The following DNTTIP1 variants were observed in gnomAD, a reference collection of about 807,000 sequenced individuals.
The protein encoded by DNTTIP1 is deoxynucleotidyltransferase terminal interacting protein 1.
DNTTIP1 carries 22 observed loss-of-function variants against 52.9 expected under a neutral mutation model. That is an observed-to-expected ratio of 0.42 (90% CI 0.30 to 0.59). DNTTIP1 has a LOEUF of 0.59. DNTTIP1 is among the 20% of genes least tolerant of loss of function. The pLI, the probability that DNTTIP1 is intolerant of heterozygous loss-of-function variation, is 0.22. For missense variants in DNTTIP1, 286 were observed against 435.5 expected (o/e 0.66, Z 3.06); for synonymous variants, 136 against 155.1 (o/e 0.88, Z 0.92).
In DNTTIP1 at chr20:45,792,076, G is replaced by C. The variant is rs1981034701; in HGVS notation, c.72G>C (p.Gly24=). Reference sequence around the variant, plus strand: ...CCGAGAGGGGCGGCTTGGAGCTGGGGGATGCGGGCGCAGCGGGGCAGCTGG... The same window carrying C: ...CCGAGAGGGGCGGCTTGGAGCTGGGCGATGCGGGCGCAGCGGGGCAGCTGG... ...SGAERGGLEL[G]DAGAAGQLVL... Residue 24 remains glycine (G), a synonymous_variant, in exon 1 of 13, where the codon GGG becomes GGC. Transcript: ENST00000372622. 7.8e-7 allele frequency: 1 copy of C among 1,286,870 alleles called. No homozygotes were observed. Among genetic ancestry groups the C allele is most frequent in the East Asian group, 2.8e-5 (1 of 35,482 alleles). The allele number at this position is 1,286,870 out of a possible 1,614,324, so 79.7% of individuals were successfully genotyped here. A position where few individuals can be genotyped will look rare whatever the true frequency, so the allele number is the denominator to read the frequency against.
intron 3 of DNTTIP1, among the ~76,000 whole-genome samples, chr20:45,794,644 T>C (rs2145697342): frequency 6.6e-6 from 1 of 152,058 alleles, no homozygotes; most frequent in South Asian, 2.1e-4. Context: ...TTCTTATTAG[T>C]TGTTTAATAA....
chr20:45,805,783 G>A (rs1013862628), intron 10 of DNTTIP1, among the ~76,000 whole-genome samples: 1 of 152,148 alleles, frequency 6.6e-6, no homozygotes. Flanking sequence ...ATATTTGGTT[G>A]TCTGTAAATT....
intron 11 of DNTTIP1, among the ~76,000 whole-genome samples, chr20:45,810,683 A>G (rs960093890): frequency 1.3e-5 from 2 of 150,886 alleles, no homozygotes; most frequent in Non-Finnish European, 2.9e-5. Flanking sequence ...TCTCCCATCC[A>G]TGAAGCATCT....
intron 4 of DNTTIP1, chr20:45,796,623 A>G (rs1032105102): frequency 4.6e-5 from 21 of 461,370 alleles, no homozygotes; most frequent in Non-Finnish European, 8.6e-5. Context: ...TGCTGTTATT[A>G]GGAGGAATTG....
chr20:45,801,459 G>C lies in DNTTIP1; in HGVS notation c.498+1G>C. 6.2e-7 allele frequency: 1 copy of C among 1,614,088 alleles called. No homozygotes were observed. The highest frequency in any genetic ancestry group is 8.5e-7 in the Non-Finnish European group (1 of 1,180,006). On this transcript the variant is annotated splice_donor_variant, in intron 6 of 12. Transcript: ENST00000372622. LOFTEE classifies it high-confidence loss of function. The stretch of plus-strand genomic sequence containing the variant: ...TCGAGGAAGCCCCCTTCCTAAAAAG[G>C]TAAACCATTTCCTTGTTTTGTTTTC...
At chr20:45,806,474 A>G (rs1021985825) in intron 10 of DNTTIP1, among the ~76,000 whole-genome samples, 2 of 152,216 alleles carry the variant, frequency 1.3e-5, no homozygotes, top group African/African-American at 4.8e-5. Context: ...AATGGAGGAA[A>G]TCATAAACTC....
At chr20:45,810,812 T>C in intron 11 of DNTTIP1, 73 bp from the exon 12 acceptor site, 5 of 1,397,586 alleles carry the variant, frequency 3.6e-6, no homozygotes, top group Non-Finnish European at 5.1e-6. Context: ...ATTAAACAGA[T>C]GTTTAATGAA....
intron 4 of DNTTIP1, among the ~76,000 whole-genome samples, chr20:45,798,752 C>T (rs891003108): frequency 2.6e-5 from 4 of 152,164 alleles, no homozygotes; most frequent in African/African-American, 9.7e-5. Flanking sequence ...GCACTCCTAC[C>T]TCTGCTAAAA....
Position 45,809,067 on chromosome 20 carries a change from A to G in DNTTIP1, c.724-47A>G, listed in dbSNP as rs773164128. ...AGTATGCTCTGGGACCAAATGAGAA[A>G]AGCCCCTTACCCGAGGCTAATTTTC... On this transcript the variant is annotated intron_variant, in intron 10 of 12. Coordinates refer to ENST00000372622, the MANE Select transcript of DNTTIP1 (RefSeq NM_052951.3). The surrounding 1 kb of genome is among the most constrained non-coding windows in gnomAD (Gnocchi z 4.2). 6.5e-7 allele frequency: 1 copy of G among 1,543,026 alleles called. No individual in the cohort carries two copies. Among genetic ancestry groups the G allele is most frequent in the Non-Finnish European group, 9.0e-7 (1 of 1,115,730 alleles).
chr20:45,796,816 T>C (rs1981255347), intron 4 of DNTTIP1, among the ~76,000 whole-genome samples: 1 of 152,218 alleles, frequency 6.6e-6, no homozygotes, highest in African/African-American at 2.4e-5. Context: ...TCCCTAACTG[T>C]CCTCAACTTA....
chr20:45,796,672 C>T (rs111774248), intron 4 of DNTTIP1: 6,022 of 407,844 alleles, frequency 0.015, 73 homozygotes, highest in Non-Finnish European at 0.021. Flanking sequence ...CAGGAAAGGT[C>T]GCCAATAGTC....
At chr20:45,800,060 C>T (rs1420926646) in intron 4 of DNTTIP1, among the ~76,000 whole-genome samples, 1 of 150,380 alleles carries the variant, frequency 6.6e-6, no homozygotes, top group African/African-American at 2.4e-5. Flanking sequence ...GCGGAGATTG[C>T]AGACAGCCGA....
At chr20:45,793,878 G>A in intron 2 of DNTTIP1, 43 bp from the exon 3 acceptor site, 1 of 1,299,004 alleles carries the variant, frequency 7.7e-7, no homozygotes, top group Non-Finnish European at 1.1e-6. Flanking sequence ...GAAAGAATAT[G>A]TTTGGGACAT....
At position 45,793,724 on chromosome 20, in the gene DNTTIP1, A is replaced by G. The variant is rs187064534; in HGVS notation, c.177-197A>G. Reference sequence around the variant, plus strand: ...CAAAAAAAAAAACTTTGAAAATAATATGCACTTCATAGAGTTATTATGAGA... The same window carrying G: ...CAAAAAAAAAAACTTTGAAAATAATGTGCACTTCATAGAGTTATTATGAGA... On this transcript the variant is annotated intron_variant, in intron 2 of 12. Transcript: ENST00000372622. 2.0e-5 allele frequency among the ~76,000 whole-genome samples: 3 copies of G among 152,320 alleles called. No homozygotes were observed. The East Asian group carries it at 5.8e-4, about 29-fold the overall frequency.
At chr20:45,798,367 G>T (rs1457771538) in intron 4 of DNTTIP1, among the ~76,000 whole-genome samples, 3 of 151,608 alleles carry the variant, frequency 2.0e-5, no homozygotes, top group Non-Finnish European at 4.4e-5. Flanking sequence ...AGCATTAGGA[G>T]ATATACCTAA....
intron 8 of DNTTIP1, among the ~76,000 whole-genome samples, chr20:45,803,602 C>T (rs2145703461): frequency 6.6e-6 from 1 of 152,312 alleles, no homozygotes; most frequent in South Asian, 2.1e-4. Context: ...TTGCTGAAGC[C>T]TTCTCCTTAT....
In DNTTIP1 at chr20:45,805,291, G is replaced by A; in HGVS notation, c.663-15G>A. 6.2e-7 allele frequency: 1 copy of A among 1,614,158 alleles called. No homozygotes were observed. The highest frequency in any genetic ancestry group is 8.5e-7 in the Non-Finnish European group (1 of 1,180,036). On this transcript the variant is annotated splice_polypyrimidine_tract_variant and intron_variant, in intron 9 of 12. Transcript: ENST00000372622. Reference sequence around the variant, plus strand: ...CACTTTCTGGAATCTTGACCACTTGGCTTTTACTTTTCAGAGCCCTGGGGA... The same window carrying A: ...CACTTTCTGGAATCTTGACCACTTGACTTTTACTTTTCAGAGCCCTGGGGA...
intron 4 of DNTTIP1, among the ~76,000 whole-genome samples, chr20:45,800,421 C>T (rs1981388660): frequency 6.6e-6 from 1 of 151,500 alleles, no homozygotes; most frequent in Admixed American, 6.6e-5. Flanking sequence ...TGCCTGTAAT[C>T]GCAGCACTTT....
chr20:45,810,335 G>T (rs390386), intron 11 of DNTTIP1, among the ~76,000 whole-genome samples: 89,899 of 152,044 alleles, frequency 0.59, 27,290 homozygotes, highest in Admixed American at 0.68. Context: ...GTACAATACA[G>T]GCCAATTACT....
Sources: gnomAD v4.1 joint callset for allele counts (sites outside exome capture counted in the v4.1 genomes callset) on GRCh38, gnomAD v4.1.1 for gene constraint, Gnocchi (gnomAD v3.1) non-coding constraint, MANE v1.5 for transcripts, NCBI Gene and HGNC (gene_info 2026-07-23, HGNC 2026-07-21) for gene names.